Variants in TMEM178B observed in about 807,000 individuals in gnomAD.
The protein encoded by TMEM178B is transmembrane protein 178B.
Under a neutral mutation model 31.0 loss-of-function variants are expected in TMEM178B, and 5 were observed. The observed-to-expected ratio is 0.16, with a 90% CI of 0.08 to 0.34. The LOEUF (loss-of-function observed/expected upper bound fraction) is 0.34. Among genes scored for constraint, TMEM178B ranks in the 10% least tolerant of loss-of-function variants. The pLI is 1.00. For synonymous variants in TMEM178B, 164 were observed against 164.0 expected (o/e 1.00, Z 0.00); for missense variants, 275 against 400.3 (o/e 0.69, Z 2.67).
intron 2 of TMEM178B, among the ~76,000 whole-genome samples, chr7:141,243,190 G>A (rs1463128941): frequency 6.6e-6 from 1 of 152,042 alleles, no homozygotes; most frequent in Non-Finnish European, 1.5e-5. Flanking sequence ...GACTAATGAA[G>A]GGGAGAATTG....
chr7:141,166,222 GCT>G (rs2129182241), intron 1 of TMEM178B, among the ~76,000 whole-genome samples: 1 of 152,320 alleles, frequency 6.6e-6, no homozygotes, highest in Admixed American at 6.5e-5. Context: ...GATCCACAGT[GCT>G]CTCTAAGGGG....
At chr7:141,124,376 T>C (rs77276165) in intron 1 of TMEM178B, among the ~76,000 whole-genome samples, 1 of 151,584 alleles carries the variant, frequency 6.6e-6, no homozygotes, top group Admixed American at 6.6e-5. Context: ...AAAAAAAAAA[T>C]AGAAAAAAAA....
intron 2 of TMEM178B, among the ~76,000 whole-genome samples, chr7:141,320,732 A>G (rs985765849): frequency 1.7e-4 from 26 of 152,228 alleles, no homozygotes; most frequent in African/African-American, 6.0e-4. Context: ...TCACCAAAAA[A>G]TCCTATGATA....
rs1799226254 is a variant in TMEM178B, at chr7:141,328,087, A to G, written c.497-109521A>G. 1.3e-5 allele frequency among the ~76,000 whole-genome samples: 2 copies of G among 152,212 alleles called. 1 individual carries two copies. The highest frequency in any genetic ancestry group is 1.3e-4 in the Admixed American group (2 of 15,278). The stretch of plus-strand genomic sequence containing the variant: ...GTATCATTCATAAGTGCATCACAAG[A>G]TCTTCACTTGCATACTCAATTCTGT... On this transcript the variant is annotated intron_variant, in intron 2 of 3. Transcript: ENST00000565468.
At chr7:141,254,336 T>A (rs1586852486) in intron 2 of TMEM178B, among the ~76,000 whole-genome samples, 1 of 152,270 alleles carries the variant, frequency 6.6e-6, no homozygotes, top group East Asian at 1.9e-4. Flanking sequence ...CCCAGCTGCT[T>A]ACAGGTGCTA....
At chr7:141,116,555 T>C (rs1795322131) in intron 1 of TMEM178B, among the ~76,000 whole-genome samples, 1 of 152,058 alleles carries the variant, frequency 6.6e-6, no homozygotes, top group Non-Finnish European at 1.5e-5. Context: ...CTGGGATACA[T>C]GTGCAGAACG....
chr7:141,074,116 T>A lies in TMEM178B; in HGVS notation c.-195T>A. On this transcript the variant is annotated 5_prime_UTR_variant, in exon 1 of 4. Coordinates refer to ENST00000565468, the MANE Select transcript of TMEM178B (RefSeq NM_001195278.2). This position sits in a 1 kb window ranked among gnomAD's most constrained non-coding sequence, Gnocchi z 5.1. ...CGCGGGAGCCTCTCCGGATCAGAAC[T>A]TTTTAGGCCGCCCGCCCCCATCCCC... 1 of 780,906 alleles carries A rather than the reference T, an allele frequency of 1.3e-6. No individual in the cohort carries two copies. 48.4% of individuals were successfully genotyped at this position (780,906 alleles called of 1,614,324 possible). A position where few individuals can be genotyped will look rare whatever the true frequency, so the allele number is the denominator to read the frequency against.
intron 2 of TMEM178B, among the ~76,000 whole-genome samples, chr7:141,283,995 G>A (rs937232510): frequency 6.6e-6 from 1 of 152,182 alleles, no homozygotes; most frequent in African/African-American, 2.4e-5. Context: ...AGCTGAACCC[G>A]ACCTCCTTCA....
rs145585638 is a variant in TMEM178B, at chr7:141,463,928, C to T, written c.635-6608C>T. Among the ~76,000 whole-genome samples, 614 of 152,222 alleles carry T rather than the reference C, an allele frequency of 4.0e-3. 5 individuals carry two copies. The highest frequency in any genetic ancestry group is 0.014 in the African/African-American group (589 of 41,526). On this transcript the variant is annotated intron_variant, in intron 3 of 3. Coordinates refer to ENST00000565468, the MANE Select transcript of TMEM178B (RefSeq NM_001195278.2). ...CTGAGTGTGATAGAAGCTATTGGAG[C>T]GTTTTAAGCAGCAGAGAATCATAAT...
chr7:141,429,820 T>C (rs924191661), intron 2 of TMEM178B: 31 of 152,250 alleles, frequency 2.0e-4, no homozygotes, highest in African/African-American at 6.5e-4. Context: ...TAAAATGTTA[T>C]CTGTCAATTA....
At chr7:141,101,366 C>T (rs973808885) in intron 1 of TMEM178B, among the ~76,000 whole-genome samples, 5 of 152,140 alleles carry the variant, frequency 3.3e-5, no homozygotes, top group African/African-American at 4.8e-5. Flanking sequence ...CTCTTTCTGT[C>T]TTTTTGCCTA....
At chr7:141,138,130 C>T (rs905189675) in intron 1 of TMEM178B, among the ~76,000 whole-genome samples, 2 of 151,002 alleles carry the variant, frequency 1.3e-5, no homozygotes, top group African/African-American at 2.4e-5. Flanking sequence ...GGCGCCATCT[C>T]GGCTCACTGC....
intron 2 of TMEM178B, among the ~76,000 whole-genome samples, chr7:141,376,800 A>T (rs564186313): frequency 2.0e-5 from 3 of 152,150 alleles, no homozygotes; most frequent in Non-Finnish European, 4.4e-5. Context: ...AATGGGGAGG[A>T]CTTGCTAGAT....
chr7:141,289,158 C>T (rs1411247400), intron 2 of TMEM178B, among the ~76,000 whole-genome samples: 8 of 152,218 alleles, frequency 5.3e-5, no homozygotes, highest in Middle Eastern at 3.4e-3. Flanking sequence ...AAGCTCTGGT[C>T]GCGGAACACA....
At chr7:141,460,617 A>G (rs1436823645) in intron 3 of TMEM178B, among the ~76,000 whole-genome samples, 2 of 152,208 alleles carry the variant, frequency 1.3e-5, no homozygotes, top group Non-Finnish European at 2.9e-5. Context: ...GCCTCTATGG[A>G]TGGACCAGTC....
chr7:141,102,316 A>G (rs1381476406), intron 1 of TMEM178B, among the ~76,000 whole-genome samples: 1 of 152,182 alleles, frequency 6.6e-6, no homozygotes, highest in Non-Finnish European at 1.5e-5. Flanking sequence ...TCTTATGAAG[A>G]AAGGTTTTTA....
chr7:141,136,912 A>T (rs1440480972), intron 1 of TMEM178B, among the ~76,000 whole-genome samples: 1 of 152,248 alleles, frequency 6.6e-6, no homozygotes, highest in Non-Finnish European at 1.5e-5. Context: ...ATTTCTCAAA[A>T]GAAGACATGT....
intron 2 of TMEM178B, among the ~76,000 whole-genome samples, chr7:141,287,629 TC>T (rs1798468027): frequency 6.6e-6 from 1 of 152,124 alleles, no homozygotes; most frequent in African/African-American, 2.4e-5. Context: ...GGATGTGCCT[TC>T]CCCCTCTCCT....
intron 2 of TMEM178B, among the ~76,000 whole-genome samples, chr7:141,296,794 G>A (rs187412935): frequency 1.3e-5 from 2 of 152,248 alleles, no homozygotes; most frequent in East Asian, 1.9e-4. Flanking sequence ...TCTCTGCACC[G>A]TCTCCCATCT....
Sources: gnomAD v4.1 joint callset for allele counts (sites outside exome capture counted in the v4.1 genomes callset) on GRCh38, gnomAD v4.1.1 for gene constraint, Gnocchi (gnomAD v3.1) non-coding constraint, MANE v1.5 for transcripts, NCBI Gene and HGNC (gene_info 2026-07-23, HGNC 2026-07-21) for gene names.